Variants in SLC30A4 observed in about 807,000 individuals in gnomAD.
SLC30A4 encodes the protein probable proton-coupled zinc antiporter SLC30A4.
In SLC30A4, 20 loss-of-function variants were observed where a neutral mutation model predicts 41.7. The ratio of observed to expected loss-of-function variants is 0.48; its 90% CI spans 0.34 to 0.70. The LOEUF is 0.70. Among genes scored for constraint, SLC30A4 ranks in the 30% least tolerant of loss-of-function variants. The pLI is 0.01. For synonymous variants in SLC30A4, 181 were observed against 195.9 expected (o/e 0.92, Z 0.64); for missense variants, 441 against 529.3 (o/e 0.83, Z 1.64).
chr15:45,511,506 C>CA (rs1892290717), intron 2 of SLC30A4, among the ~76,000 whole-genome samples: 1 of 151,342 alleles, frequency 6.6e-6, no homozygotes, highest in Non-Finnish European at 1.5e-5. Context: ...TTTTTTGAGA[C>CA]AGAGTCTCAC....
In SLC30A4 at chr15:45,485,899, A is replaced by G. The variant is rs568611121; in HGVS notation, c.1136-582T>C. 1.1e-4 allele frequency among the ~76,000 whole-genome samples: 17 copies of G among 150,020 alleles called. No individual in the cohort carries two copies. The East Asian group carries it at 3.4e-3, about 30-fold the overall frequency. On this transcript the variant is annotated intron_variant, in intron 7 of 7. Coordinates refer to ENST00000261867, the MANE Select transcript of SLC30A4 (RefSeq NM_013309.6). ...CGACTGGCTAATTTTTGTATTTTTT[A>G]GTAGAGATGGGGTTTCATCATGTTG...
At position 45,507,901 on chromosome 15, in the gene SLC30A4, G is replaced by A. The variant is rs536444500; in HGVS notation, c.538+3237C>T. ...TTTTCCCACATGCTGGAAGATTCTT[G>A]GTTGTCTATTCATACTTAGGGCAGA... On this transcript the variant is annotated intron_variant, in intron 3 of 7. Coordinates refer to ENST00000261867, the MANE Select transcript of SLC30A4 (RefSeq NM_013309.6). 1.2e-4 allele frequency among the ~76,000 whole-genome samples: 18 copies of A among 152,168 alleles called. No homozygotes were observed. The South Asian group carries it at 2.1e-3, about 18-fold the overall frequency.
In SLC30A4 at chr15:45,522,638, T is replaced by G; in HGVS notation, c.-146A>C. 7.5e-6 allele frequency: 2 copies of G among 267,874 alleles called. No homozygotes were observed. Among genetic ancestry groups the G allele is most frequent in the Non-Finnish European group, 1.4e-5 (2 of 144,514 alleles). 16.6% of individuals were successfully genotyped at this position (267,874 alleles called of 1,614,324 possible). ...CGCTGCCGCGGGGCCGCAACTCATC[T>G]CCCCGCCCCCGGCCGGCTCAGCGAG... On this transcript the variant is annotated 5_prime_UTR_variant, in exon 1 of 8. Coordinates refer to ENST00000261867, the MANE Select transcript of SLC30A4 (RefSeq NM_013309.6).
At chr15:45,508,515 T>A (rs1473606672) in intron 3 of SLC30A4, among the ~76,000 whole-genome samples, 11 of 152,214 alleles carry the variant, frequency 7.2e-5, no homozygotes, top group Non-Finnish European at 1.5e-4. Context: ...CAGTTCCTAG[T>A]TCAGAGTATG....
Position 45,514,650 on chromosome 15 carries a change from G to A in SLC30A4, c.392-3366C>T, listed in dbSNP as rs370629966. Among the ~76,000 whole-genome samples, 76 of 151,672 alleles carry A rather than the reference G, an allele frequency of 5.0e-4. No homozygotes were observed. The East Asian group carries it at 0.014, about 27-fold the overall frequency. On this transcript the variant is annotated intron_variant, in intron 2 of 7. Coordinates refer to ENST00000261867, the MANE Select transcript of SLC30A4 (RefSeq NM_013309.6). The stretch of plus-strand genomic sequence containing the variant: ...CTGCCTCAGCCTCCCGAGTAGCTGG[G>A]ATTGCAGGCATGCGCCACCACGCCC...
chr15:45,516,998 G>T (rs982869783), intron 2 of SLC30A4, among the ~76,000 whole-genome samples: 1 of 152,054 alleles, frequency 6.6e-6, no homozygotes, highest in African/African-American at 2.4e-5. Flanking sequence ...TCTTTACCTA[G>T]AAGTTTATAT....
chr15:45,499,238 AT>A (rs1302635500), intron 3 of SLC30A4, among the ~76,000 whole-genome samples: 13 of 151,706 alleles, frequency 8.6e-5, no homozygotes, highest in Non-Finnish European at 1.2e-4. Context: ...TGCTTGGCTA[AT>A]TTTTTTGTAT....
intron 2 of SLC30A4, among the ~76,000 whole-genome samples, chr15:45,518,502 G>A (rs577073092): frequency 6.6e-6 from 1 of 152,270 alleles, no homozygotes; most frequent in East Asian, 1.9e-4. Flanking sequence ...CTTTACGAAG[G>A]TCTCAGAGCA....
At chr15:45,501,442 C>T (rs1343729951) in intron 3 of SLC30A4, among the ~76,000 whole-genome samples, 1 of 152,160 alleles carries the variant, frequency 6.6e-6, no homozygotes, top group South Asian at 2.1e-4. Context: ...ATGCATTGTT[C>T]TAAATTGTCT....
At chr15:45,514,744 A>G (rs1279186418) in intron 2 of SLC30A4, among the ~76,000 whole-genome samples, 1 of 151,658 alleles carries the variant, frequency 6.6e-6, no homozygotes, top group African/African-American at 2.4e-5. Context: ...CGAACCCCTA[A>G]CCTCAGGTGA....
intron 3 of SLC30A4, among the ~76,000 whole-genome samples, chr15:45,508,957 T>A (rs1055957101): frequency 1.3e-5 from 2 of 152,164 alleles, no homozygotes; most frequent in African/African-American, 4.8e-5. Flanking sequence ...TGTTATTGCA[T>A]GTTTCTGAGG....
chr15:45,500,910 T>C (rs2140830218), intron 3 of SLC30A4, among the ~76,000 whole-genome samples: 1 of 151,870 alleles, frequency 6.6e-6, no homozygotes, highest in East Asian at 2.0e-4. Context: ...TCTTGAACTT[T>C]TGACCTCAGG....
At chr15:45,520,977 A>C in intron 2 of SLC30A4, 1 of 454,890 alleles carries the variant, frequency 2.2e-6, no homozygotes, top group South Asian at 1.6e-5. Context: ...AGGAAAAAGA[A>C]GACCAGCATG....
intron 4 of SLC30A4, among the ~76,000 whole-genome samples, chr15:45,489,963 T>G (rs891862145): frequency 6.6e-6 from 1 of 152,172 alleles, no homozygotes; most frequent in African/African-American, 2.4e-5. Flanking sequence ...TTATAACAAG[T>G]GTTGAGTAGC....
At chr15:45,500,760 G>A (rs991005358) in intron 3 of SLC30A4, among the ~76,000 whole-genome samples, 1 of 151,604 alleles carries the variant, frequency 6.6e-6, no homozygotes, top group Non-Finnish European at 1.5e-5. Context: ...TTGGCTCACC[G>A]CAACCTCTGC....
intron 3 of SLC30A4, chr15:45,502,438 T>G (rs1470879450): frequency 1.3e-5 from 2 of 152,058 alleles, no homozygotes; most frequent in Non-Finnish European, 2.9e-5. Context: ...CAGGCTAGAG[T>G]GCAGTGGCCC....
At chr15:45,521,921 T>C (rs556026897) in intron 2 of SLC30A4, 43 bp downstream of exon 2, 2 of 1,581,394 alleles carry the variant, frequency 1.3e-6, no homozygotes, top group African/African-American at 1.3e-5. Context: ...ACAAAGACTC[T>C]CGAGGAAAGG....
chr15:45,481,370 CA>C lies in SLC30A4; in HGVS notation c.*3792del, dbSNP rs1451057224. ...GACATGCTTTCTTCAATTACACTCC[CA>C]TTATGTTTCTAAGGCAGCATAATTG... On this transcript the variant is annotated 3_prime_UTR_variant, in exon 8 of 8. Coordinates refer to ENST00000261867, the MANE Select transcript of SLC30A4 (RefSeq NM_013309.6). 6.6e-6 allele frequency: 1 copy of C among 152,186 alleles called. No homozygotes were observed. The highest frequency in any genetic ancestry group is 1.5e-5 in the Non-Finnish European group (1 of 68,036). The allele number at this position is 152,186 out of a possible 1,614,324, so 9.4% of individuals were successfully genotyped here. A position where few individuals can be genotyped will look rare whatever the true frequency, so the allele number is the denominator to read the frequency against.
chr15:45,515,952 G>T (rs986562516), intron 2 of SLC30A4: 21 of 151,790 alleles, frequency 1.4e-4, no homozygotes, highest in African/African-American at 4.6e-4. Flanking sequence ...GTAGAGACAG[G>T]GTCTTGCCAC....
Sources: gnomAD v4.1 joint callset for allele counts (sites outside exome capture counted in the v4.1 genomes callset) on GRCh38, gnomAD v4.1.1 for gene constraint, MANE v1.5 for transcripts, NCBI Gene and HGNC (gene_info 2026-07-23, HGNC 2026-07-21) for gene names.